The following PDHA1 variants were observed in gnomAD, a reference collection of about 807,000 sequenced individuals.
The protein encoded by PDHA1 is pyruvate dehydrogenase E1 component subunit alpha, somatic form, mitochondrial.
Under a neutral mutation model 33.0 loss-of-function variants are expected in PDHA1, and 1 was observed. The observed-to-expected ratio is 0.03, with a 90% confidence interval of 0.01 to 0.14. The LOEUF (loss-of-function observed/expected upper bound fraction) is 0.14, where lower values mean the gene tolerates loss of function less well. Among genes scored for constraint, PDHA1 ranks in the 10% least tolerant of loss-of-function variants. The probability of loss-of-function intolerance (pLI) is 1.00; values close to 1 mark genes in which losing one functional copy is unlikely to be tolerated. For missense variants in PDHA1, 168 were observed against 325.1 expected (o/e 0.52, Z 3.72); for synonymous variants, 123 against 119.2 (o/e 1.03, Z -0.21).
At chrX:19,346,728 A>G (rs1165192830) in intron 1 of PDHA1, 1 of 508,432 alleles carries the variant, frequency 2.0e-6, no homozygotes, top group African/African-American at 2.5e-5. Context: ...ATTTTTGAAT[A>G]AGGTTTATAG....
At chrX:19,353,301 C>A in intron 5 of PDHA1, 128 bp downstream of exon 5, 1 of 561,952 alleles carries the variant, frequency 1.8e-6, no homozygotes, top group South Asian at 2.4e-5. Flanking sequence ...ACGCTTTGGT[C>A]AATGTCGCAT....
chrX:19,354,264 G>A (rs1418869467), intron 5 of PDHA1, among the ~76,000 whole-genome samples: 1 of 112,793 alleles, frequency 8.9e-6, no homozygotes, highest in Non-Finnish European at 1.9e-5. Context: ...ATGCAGAAAT[G>A]TTAGTGCTTA....
chrX:19,359,890 C>A lies in PDHA1; in HGVS notation c.*237C>A, dbSNP rs1189787497. The A allele has an allele frequency of 2.9e-5, 12 of 410,960 alleles. 1 individual carries two copies. In the South Asian group the frequency reaches 4.0e-4, roughly 14 times the overall value. 33.9% of individuals were successfully genotyped at this position (410,960 alleles called of 1,213,427 possible). On this transcript the variant is annotated 3_prime_UTR_variant, in exon 11 of 11. Coordinates refer to ENST00000422285, the MANE Select transcript of PDHA1 (RefSeq NM_000284.4). ...TAAAATAGTATACTTTGAACAAATA[C>A]TCTAATTATGAAAAGGAAGAACAAT...
chrX:19,361,179 C>T lies in PDHA1; in HGVS notation c.*1526C>T. The T allele has an allele frequency of 2.2e-6, 1 of 450,974 alleles. No homozygotes were observed. The allele number at this position is 450,974 out of a possible 1,213,427, so 37.2% of individuals were successfully genotyped here. ...GTCACATTCCTATTTCTGACTTCTG[C>T]CTGGCTTTCAGTTTCTGCCCCACCT... On this transcript the variant is annotated 3_prime_UTR_variant, in exon 11 of 11. Transcript: ENST00000422285.
Position 19,345,823 on chromosome X carries a change from T to A in PDHA1, c.57+1729T>A, listed in dbSNP as rs190859119. On this transcript the variant is annotated intron_variant, in intron 1 of 10. Coordinates refer to ENST00000422285, the MANE Select transcript of PDHA1 (RefSeq NM_000284.4). Reference sequence around the variant, plus strand: ...AGTCACCTTTGAAAGTGCCCAGGTATCTTTCCACTTGGTGGTGTAAACTCT... The same window carrying A: ...AGTCACCTTTGAAAGTGCCCAGGTAACTTTCCACTTGGTGGTGTAAACTCT... 303 of 278,473 alleles carry A rather than the reference T, an allele frequency of 1.1e-3. 1 individual carries two copies. Among genetic ancestry groups the A allele is most frequent in the Admixed American group, 9.2e-3 (217 of 23,508 alleles). The allele number at this position is 278,473 out of a possible 1,213,427, so 22.9% of individuals were successfully genotyped here.
At chrX:19,357,160 C>T (rs770199732) in intron 8 of PDHA1, among the ~76,000 whole-genome samples, 13 of 112,245 alleles carry the variant, frequency 1.2e-4, no homozygotes, top group South Asian at 1.1e-3. Flanking sequence ...CAGGGTCTCG[C>T]GCAGTGGCAC....
intron 1 of PDHA1, among the ~76,000 whole-genome samples, chrX:19,346,206 AGGGAGGGAGAAG>A (rs1207795328): frequency 2.7e-5 from 3 of 112,303 alleles, no homozygotes; most frequent in Admixed American, 9.5e-5. Context: ...TACTCCATGA[AGGGAGGGAGAAG>A]GGGAGGGAGA....
chrX:19,357,799 T>G, intron 9 of PDHA1, 80 bp downstream of exon 9: 1 of 793,204 alleles, frequency 1.3e-6, no homozygotes, highest in Non-Finnish European at 1.9e-6. Context: ...ATTTCAGTAT[T>G]TGCTTTTGGA....
chrX:19,360,781 G>C lies in PDHA1; in HGVS notation c.*1128G>C. 1.7e-6 allele frequency: 2 copies of C among 1,209,810 alleles called. No homozygotes were observed. Among genetic ancestry groups the C allele is most frequent in the Non-Finnish European group, 2.2e-6 (2 of 894,612 alleles). On this transcript the variant is annotated 3_prime_UTR_variant, in exon 11 of 11. Coordinates refer to ENST00000422285, the MANE Select transcript of PDHA1 (RefSeq NM_000284.4). ...TTGTCTTTGGTTTCTGAGGCCTCCT[G>C]AGCCCTTCTGTACTGGGAGACCGCA...
intron 1 of PDHA1, chrX:19,346,469 C>G (rs1267961876): frequency 3.2e-5 from 13 of 412,494 alleles, no homozygotes; most frequent in African/African-American, 3.1e-4. Flanking sequence ...GCATGTGCCA[C>G]CACCACACCC....
At chrX:19,358,591 A>G (rs1460307039) in intron 9 of PDHA1, among the ~76,000 whole-genome samples, 1 of 111,612 alleles carries the variant, frequency 9.0e-6, no homozygotes, top group East Asian at 2.8e-4. Context: ...AGAACCTTAC[A>G]TCTAAATCAA....
intron 1 of PDHA1, among the ~76,000 whole-genome samples, chrX:19,346,038 A>T (rs1247027976): frequency 8.9e-6 from 1 of 112,216 alleles, no homozygotes; most frequent in East Asian, 2.8e-4. Flanking sequence ...ACTTAACTAT[A>T]AGTAACAAAA....
At chrX:19,345,724 T>G (rs369520801) in intron 1 of PDHA1, 8 of 286,255 alleles carry the variant, frequency 2.8e-5, no homozygotes, top group East Asian at 2.1e-4. Flanking sequence ...GGTTCATTGT[T>G]TCCTGTATCA....
At chrX:19,358,877 T>C (rs2063230358) in intron 9 of PDHA1, 39 bp from the exon 10 acceptor site, 6 of 781,981 alleles carry the variant, frequency 7.7e-6, no homozygotes, top group Non-Finnish European at 1.2e-5. Context: ...CTACTGGAAC[T>C]GCTCTTACTG....
At chrX:19,345,756 C>A (rs746137521) in intron 1 of PDHA1, 1 of 269,384 alleles carries the variant, frequency 3.7e-6, no homozygotes. Flanking sequence ...CCCCCCCCCC[C>A]CGCCACCTTA....
chrX:19,355,487 T>G lies in PDHA1; in HGVS notation c.742T>G (p.Phe248Val). The change falls in exon 7 of 11, where the codon TTC (phenylalanine) becomes GTC (valine). Residue 248 changes from phenylalanine (F) to valine (V), a missense_variant. Phe to Val is a conservative substitution (Grantham distance 50). Coordinates refer to ENST00000422285, the MANE Select transcript of PDHA1 (RefSeq NM_000284.4). The part of the protein sequence containing the change: ...ASTDYYKRGD[F>V]IPGLRVDGMD... Reference sequence around the variant, plus strand: ...CACTGATTACTACAAGAGAGGCGATTTCATTCCTGGGCTGAGAGTAAGGAC... The same window carrying G: ...CACTGATTACTACAAGAGAGGCGATGTCATTCCTGGGCTGAGAGTAAGGAC... 8.3e-7 allele frequency: 1 copy of G among 1,211,003 alleles called. No individual in the cohort carries two copies. Among genetic ancestry groups the G allele is most frequent in the Non-Finnish European group, 1.1e-6 (1 of 895,559 alleles).
At position 19,361,244 on chromosome X, in the gene PDHA1, T is replaced by C. The variant is rs940776922; in HGVS notation, c.*1591T>C. 1 of 733,664 alleles carries C rather than the reference T, an allele frequency of 1.4e-6. No individual in the cohort carries two copies. The highest frequency in any genetic ancestry group is 2.0e-6 in the Non-Finnish European group (1 of 503,588). The allele number at this position is 733,664 out of a possible 1,213,427, so 60.5% of individuals were successfully genotyped here. On this transcript the variant is annotated 3_prime_UTR_variant, in exon 11 of 11. Transcript: ENST00000422285. ...CTTGAACCTAATAGAACTCCAGAGT[T>C]TGGGGGGAGGCCCAGCCCTTTGTTT...
At position 19,355,438 on chromosome X, in the gene PDHA1, G is replaced by T. The variant is rs138237215; in HGVS notation, c.693G>T (p.Thr231=). The T allele has an allele frequency of 6.6e-6, 8 of 1,210,466 alleles. No homozygotes were observed. The highest frequency in any genetic ancestry group is 6.7e-6 in the Non-Finnish European group (6 of 894,907). ...AGAATAATCGCTATGGAATGGGAAC[G>T]TCTGTTGAGAGAGCGGCAGCCAGCA... is the stretch of plus-strand genomic sequence containing the variant. ...ICENNRYGMG[T]SVERAAASTD... Residue 231 remains threonine, a synonymous_variant, in exon 7 of 11, where the codon ACG becomes ACT. Transcript: ENST00000422285.
chrX:19,344,120 T>A, intron 1 of PDHA1, 26 bp downstream of exon 1: 3 of 1,171,876 alleles, frequency 2.6e-6, no homozygotes, highest in Non-Finnish European at 3.5e-6. Context: ...CGGGCCGGGA[T>A]GGGGCGCGAG....
Sources: gnomAD v4.1 joint callset for allele counts (sites outside exome capture counted in the v4.1 genomes callset) on GRCh38, gnomAD v4.1.1 for gene constraint, MANE v1.5 for transcripts, NCBI Gene and HGNC (gene_info 2026-07-23, HGNC 2026-07-21) for gene names.